The following PSG5 variants were observed in gnomAD, a reference collection of about 807,000 sequenced individuals.
PSG5 encodes pregnancy-specific beta-1-glycoprotein 5.
Under a neutral mutation model 37.7 loss-of-function variants are expected in PSG5, and 53 were observed. The ratio of observed to expected loss-of-function variants is 1.41; its 90% CI spans 1.13 to 1.77. PSG5 has a LOEUF of 1.77. Ranked by LOEUF, PSG5 falls within the 40% of genes most tolerant of loss-of-function variation. The probability of loss-of-function intolerance (pLI) is 0.00; values close to 1 mark genes in which losing one functional copy is unlikely to be tolerated. For missense variants in PSG5, 547 were observed against 405.2 expected, an observed-to-expected ratio of 1.35 and a Z score of -3.00; for synonymous variants, 221 against 155.4, an observed-to-expected ratio of 1.42 and a Z score of -3.14.
At chr19:43,184,755 A>G (rs202012101) in intron 2 of PSG5, 27 bp downstream of exon 2, 8 of 1,611,264 alleles carry the variant, frequency 5.0e-6, no homozygotes, top group Non-Finnish European at 6.8e-6. Flanking sequence ...GTCCCCCAAC[A>G]CCCAGGGATC....
At chr19:43,176,944 G>A (rs1487630634) in intron 2 of PSG5, among the ~76,000 whole-genome samples, 2 of 151,644 alleles carry the variant, frequency 1.3e-5, no homozygotes, top group African/African-American at 4.9e-5. Context: ...GATCTTTCCA[G>A]AAATACATGT....
intron 4 of PSG5, among the ~76,000 whole-genome samples, chr19:43,173,782 T>G (rs1968949845): frequency 6.6e-6 from 1 of 151,660 alleles, no homozygotes; most frequent in African/African-American, 2.4e-5. Context: ...TGGGAAATGT[T>G]ATAGCCACTG....
intron 3 of PSG5, 175 bp from the exon 4 acceptor site, chr19:43,175,644 A>G: frequency 1.4e-6 from 2 of 1,391,192 alleles, no homozygotes; most frequent in Non-Finnish European, 1.9e-6. Context: ...CTCCCATCAC[A>G]AGCTATTGAC....
chr19:43,176,108 T>G lies in PSG5; in HGVS notation c.471A>C (p.Lys157Asn), dbSNP rs2355434. The change falls in exon 3 of 6, where the codon AAA (lysine) becomes AAC (asparagine). Residue 157 changes from lysine to asparagine, a missense_variant. Coordinates refer to ENST00000342951, the MANE Select transcript of PSG5 (RefSeq NM_002781.4). ...PKPYITINNSKPRENKDVLAF... is the reference protein window; with the variant it reads ...PKPYITINNSNPRENKDVLAF... Reference sequence around the variant, plus strand: ...CTAAGACATCCTTATTCTCCCTGGGTTTTGAGTTGTTGATGGTGATGTAGG... The same window carrying G: ...CTAAGACATCCTTATTCTCCCTGGGGTTTGAGTTGTTGATGGTGATGTAGG... 1.9e-6 allele frequency: 3 copies of G among 1,611,030 alleles called. No individual in the cohort carries two copies. The highest frequency in any genetic ancestry group is 1.1e-5 in the South Asian group (1 of 90,974).
chr19:43,177,941 G>C (rs111639352), intron 2 of PSG5, among the ~76,000 whole-genome samples: 1 of 18,514 alleles, frequency 5.4e-5, no homozygotes, highest in African/African-American at 4.5e-4. Flanking sequence ...TGACCTTTTT[G>C]GTTAAACTTA....
intron 2 of PSG5, among the ~76,000 whole-genome samples, chr19:43,178,601 C>A (rs543966118): frequency 6.6e-6 from 1 of 151,532 alleles, no homozygotes; most frequent in Admixed American, 6.6e-5. Context: ...GCCAAATCCC[C>A]GCTGTGTTCA....
At chr19:43,172,445 A>G (rs1468808397) in intron 4 of PSG5, among the ~76,000 whole-genome samples, 1 of 151,632 alleles carries the variant, frequency 6.6e-6, no homozygotes, top group African/African-American at 2.4e-5. Flanking sequence ...AAGGAGTAAA[A>G]TTCTTTCTGT....
At position 43,185,042 on chromosome 19, in the gene PSG5, T is replaced by A. The variant is rs769268787; in HGVS notation, c.170A>T (p.Asn57Ile). 1 of 1,612,410 alleles carries A rather than the reference T, an allele frequency of 6.2e-7. No homozygotes were observed. The highest frequency in any genetic ancestry group is 8.5e-7 in the Non-Finnish European group (1 of 1,179,176). ...EGKDVLLLVH[N>I]LPQNLAGYIW... The stretch of plus-strand genomic sequence containing the variant: ...GTAGCCAGCAAGATTCTGAGGCAAA[T>A]TGTGGACAAGTAGAAGAACATCCTT... Residue 57 changes from asparagine (N) to isoleucine (I), a missense_variant, in exon 2 of 6, where the codon AAT becomes ATT. Physicochemically the swap from Asn to Ile is moderately radical, Grantham distance 149. Coordinates refer to ENST00000342951, the MANE Select transcript of PSG5 (RefSeq NM_002781.4).
intron 4 of PSG5, chr19:43,170,496 T>G: frequency 2.2e-6 from 1 of 452,482 alleles, no homozygotes; most frequent in South Asian, 1.8e-5. Context: ...CAGCCATGAA[T>G]GAGACTCTGT....
chr19:43,179,231 T>A, intron 2 of PSG5: 1 of 1,454,456 alleles, frequency 6.9e-7, no homozygotes, highest in South Asian at 1.3e-5. Flanking sequence ...TCAATCAGAG[T>A]TGGCATTTCC....
intron 2 of PSG5, among the ~76,000 whole-genome samples, chr19:43,178,559 C>T (rs934065977): frequency 1.3e-5 from 2 of 151,496 alleles, no homozygotes; most frequent in Non-Finnish European, 2.9e-5. Flanking sequence ...CCACAGTGAC[C>T]CTGTGAGCCA....
intron 2 of PSG5, among the ~76,000 whole-genome samples, chr19:43,176,550 T>G (rs1197709812): frequency 6.6e-6 from 1 of 151,582 alleles, no homozygotes. Context: ...TATATGTGAT[T>G]TCTCTGCAGC....
intron 2 of PSG5, among the ~76,000 whole-genome samples, chr19:43,182,398 T>C (rs1969146864): frequency 6.6e-6 from 1 of 151,480 alleles, no homozygotes; most frequent in Non-Finnish European, 1.5e-5. Context: ...TGTTTCTCAT[T>C]CTTTTGCATT....
rs542072607 is a variant in PSG5 at position 43,174,710 on chromosome 19, C to G, written c.964+505G>C. ...CCCACCCCAGGTTGAGTGAGGCAGG[C>G]CCAGTCACCAGAGAAGCATGGAGCA... On this transcript the variant is annotated intron_variant, in intron 4 of 5. Coordinates refer to ENST00000342951, the MANE Select transcript of PSG5 (RefSeq NM_002781.4). The G allele has an allele frequency of 6.9e-5, 69 of 1,005,498 alleles. 2 individuals carry two copies. Among genetic ancestry groups the G allele is most frequent in the Non-Finnish European group, 8.0e-5 (66 of 825,864 alleles). The allele number at this position is 1,005,498 out of a possible 1,614,324, so 62.3% of individuals were successfully genotyped here.
At chr19:43,183,175 G>A (rs1969166363) in intron 2 of PSG5, 1 of 266,756 alleles carries the variant, frequency 3.7e-6, no homozygotes, top group Non-Finnish European at 7.5e-6. Flanking sequence ...GGGACCAGCT[G>A]CCCCCAGTTC....
chr19:43,182,435 C>T (rs1306748939), intron 2 of PSG5, among the ~76,000 whole-genome samples: 1 of 151,534 alleles, frequency 6.6e-6, no homozygotes, highest in African/African-American at 2.4e-5. Flanking sequence ...CTCATTCATA[C>T]CTATGACTAA....
chr19:43,168,293 T>A (rs926597267), intron 5 of PSG5, 90 bp from the exon 6 acceptor site: 2 of 354,118 alleles, frequency 5.6e-6, no homozygotes, highest in Admixed American at 4.8e-5. Flanking sequence ...GAAATCCAGT[T>A]ACTTCTGTGG....
chr19:43,179,543 C>T (rs1222622681), intron 2 of PSG5, among the ~76,000 whole-genome samples: 1 of 151,694 alleles, frequency 6.6e-6, no homozygotes, highest in East Asian at 1.9e-4. Flanking sequence ...TTACTTTGTC[C>T]CCCGAGGTAT....
At chr19:43,185,292 TGTTA>T (rs1966909457) in intron 1 of PSG5, 145 bp from the exon 2 acceptor site, 1 of 1,203,904 alleles carries the variant, frequency 8.3e-7, no homozygotes, top group Non-Finnish European at 1.2e-6. Context: ...AAAAGGTGCA[TGTTA>T]GTTTGTGTGT....
Sources: allele counts gnomAD v4.1 joint callset (sites outside exome capture counted in the v4.1 genomes callset), GRCh38; gene constraint gnomAD v4.1.1; transcripts MANE v1.5; gene names NCBI Gene and HGNC (gene_info 2026-07-23, HGNC 2026-07-21).